The following NDRG1 variants were observed in gnomAD, a reference collection of about 807,000 sequenced individuals.
NDRG1 encodes the protein N-myc downstream regulated 1.
Under a neutral mutation model 56.9 loss-of-function variants are expected in NDRG1, and 32 were observed. That is an observed-to-expected ratio of 0.56 (90% CI 0.42 to 0.76). NDRG1 has a LOEUF of 0.76. Ranked by LOEUF, NDRG1 falls within the 30% of genes least tolerant of loss-of-function variation. The pLI is 0.00. For missense variants in NDRG1, 507 were observed against 545.7 expected, an observed-to-expected ratio of 0.93 and a Z score of 0.71; for synonymous variants, 211 against 204.1, an observed-to-expected ratio of 1.03 and a Z score of -0.29.
intron 3 of NDRG1, among the ~76,000 whole-genome samples, chr8:133,274,736 C>A (rs1857367599): frequency 6.6e-6 from 1 of 152,174 alleles, no homozygotes; most frequent in Non-Finnish European, 1.5e-5. Context: ...TCCATAAGGG[C>A]TTGATCAGCC....
chr8:133,292,658 C>T (rs1858493316), intron 1 of NDRG1, among the ~76,000 whole-genome samples: 1 of 152,196 alleles, frequency 6.6e-6, no homozygotes, highest in South Asian at 2.1e-4. Context: ...AAGAGGGTTA[C>T]TTGGAATCTT....
Position 133,239,035 on chromosome 8 carries a change from C to T in NDRG1, c.1028G>A (p.Arg343His), listed in dbSNP as rs144714216. ...SVTSLDGTRS[R>H]SHTSEGTRSR... ...TCGGGTGCCCTCGCTGGTGTGGGAG[C>T]GGCTGCGGGTGCCATCCAGAGAAGT... The change falls in exon 16 of 16, where the codon CGC (arginine) becomes CAC (histidine). Residue 343 changes from arginine to histidine, a missense_variant. Physicochemically the swap from Arg to His is conservative, Grantham distance 29. Coordinates refer to ENST00000323851, the MANE Select transcript of NDRG1 (RefSeq NM_006096.4). The T allele has an allele frequency of 2.8e-5, 45 of 1,596,904 alleles. No homozygotes were observed. The highest frequency in any genetic ancestry group is 3.4e-5 in the Non-Finnish European group (40 of 1,173,284).
rs781671025 is a variant in NDRG1, at chr8:133,262,307, G to GT, written c.206-141dup. 42 of 1,116,638 alleles carry GT rather than the reference G, an allele frequency of 3.8e-5. No individual in the cohort carries two copies. In the South Asian group the frequency reaches 5.5e-4, roughly 15 times the overall value. The allele number at this position is 1,116,638 out of a possible 1,614,324, so 69.2% of individuals were successfully genotyped here. A position where few individuals can be genotyped will look rare whatever the true frequency, so the allele number is the denominator to read the frequency against. ...AACTTAGAAGAACACAGATGTTGGC[G>GT]TTTTTTGTTTTTTGGTTTTGTCCCC... On this transcript the variant is annotated intron_variant, in intron 4 of 15. Coordinates refer to ENST00000323851, the MANE Select transcript of NDRG1 (RefSeq NM_006096.4).
At chr8:133,291,423 T>C (rs1858423351) in intron 1 of NDRG1, among the ~76,000 whole-genome samples, 1 of 152,196 alleles carries the variant, frequency 6.6e-6, no homozygotes, top group Admixed American at 6.5e-5. Flanking sequence ...CAATCCTTTG[T>C]CATTTCTTTG....
At chr8:133,265,996 G>A (rs1235244326) in intron 3 of NDRG1, among the ~76,000 whole-genome samples, 1 of 152,274 alleles carries the variant, frequency 6.6e-6, no homozygotes, top group Non-Finnish European at 1.5e-5. Context: ...GGCAGTTGGG[G>A]AGCAGGAGGC....
chr8:133,254,458 C>G, intron 9 of NDRG1, 81 bp downstream of exon 9: 5 of 1,481,488 alleles, frequency 3.4e-6, no homozygotes, highest in Non-Finnish European at 4.7e-6. Context: ...TTCTCTCCAC[C>G]CCCACATGGG....
At chr8:133,271,746 C>G (rs897251027) in intron 3 of NDRG1, among the ~76,000 whole-genome samples, 2 of 132,772 alleles carry the variant, frequency 1.5e-5, no homozygotes, top group African/African-American at 5.7e-5. Context: ...CACTACTACA[C>G]TCCAGCATGG....
At position 133,238,882 on chromosome 8, in the gene NDRG1, CAGG is replaced by C. The variant is rs745669327; in HGVS notation, c.1178_1180del (p.Ser393del). ...GGCGGCAGCTGGGCAGGCCGCCTAGCAGGAGACCTCCATGGACTTGGGCCCGGC... is the reference window on the plus strand; with the variant it reads ...GGCGGCAGCTGGGCAGGCCGCCTAGCAGACCTCCATGGACTTGGGCCCGGC... On this transcript the variant is annotated inframe_deletion, in exon 16 of 16. Transcript: ENST00000323851. The C allele has an allele frequency of 6.4e-6, 10 of 1,553,958 alleles. No homozygotes were observed. Among genetic ancestry groups the C allele is most frequent in the Non-Finnish European group, 8.7e-6 (10 of 1,150,036 alleles).
At chr8:133,289,057 C>T (rs931029133) in intron 1 of NDRG1, among the ~76,000 whole-genome samples, 8 of 152,102 alleles carry the variant, frequency 5.3e-5, no homozygotes, top group Non-Finnish European at 1.0e-4. Flanking sequence ...CATAATTTAT[C>T]GAATCTCTTT....
chr8:133,279,972 G>GGCCA (rs1324383227), intron 3 of NDRG1, among the ~76,000 whole-genome samples: 1 of 152,126 alleles, frequency 6.6e-6, no homozygotes, highest in Non-Finnish European at 1.5e-5. Context: ...CCACCGTTCT[G>GGCCA]GCCAGCTCTT....
At chr8:133,264,706 G>A (rs1041861519) in intron 3 of NDRG1, 54 bp from the exon 4 acceptor site, 34 of 1,476,354 alleles carry the variant, frequency 2.3e-5, no homozygotes, top group South Asian at 1.8e-4. Flanking sequence ...TGGCATCCGC[G>A]TGGCTGAAGA....
chr8:133,258,335 T>C, intron 7 of NDRG1, 31 bp downstream of exon 7: 1 of 1,596,194 alleles, frequency 6.3e-7, no homozygotes, highest in Non-Finnish European at 8.6e-7. Flanking sequence ...TTATTTAAAA[T>C]GCGATTTTCA....
chr8:133,245,644 A>C (rs1855631569), intron 13 of NDRG1, among the ~76,000 whole-genome samples: 2 of 152,116 alleles, frequency 1.3e-5, no homozygotes, highest in Non-Finnish European at 2.9e-5. Context: ...GCACCTTCAG[A>C]GGGAGCACGG....
At position 133,239,019 on chromosome 8, in the gene NDRG1, C is replaced by T; in HGVS notation, c.1044G>A (p.Glu348=). ...DGTRSRSHTS[E]GTRSRSHTSE... ...TGGTGTGGGAGCGGCTTCGGGTGCC[C>T]TCGCTGGTGTGGGAGCGGCTGCGGG... The change falls in exon 16 of 16, where the codon GAG becomes GAA. Residue 348 remains glutamate (E), a synonymous_variant. Transcript: ENST00000323851. The T allele has an allele frequency of 6.3e-7, 1 of 1,598,308 alleles. No individual in the cohort carries two copies. The highest frequency in any genetic ancestry group is 8.5e-7 in the Non-Finnish European group (1 of 1,174,028).
Position 133,255,697 on chromosome 8 carries a change from G to C in NDRG1, c.537+1080C>G, listed in dbSNP as rs371207946. The C allele has an allele frequency of 1.5e-4, 41 of 276,586 alleles. 1 individual carries two copies. Among genetic ancestry groups the C allele is most frequent in the East Asian group, 1.3e-3 (13 of 10,130 alleles). 17.1% of individuals were successfully genotyped at this position (276,586 alleles called of 1,614,324 possible). ...TTCAAAGAACAAATGCAAAATCACA[G>C]TGGCTGGTACAGGGCAGGGGATGGG... On this transcript the variant is annotated intron_variant, in intron 8 of 15. Transcript: ENST00000323851.
intron 5 of NDRG1, among the ~76,000 whole-genome samples, chr8:133,261,018 C>T (rs183932137): frequency 6.6e-6 from 1 of 152,318 alleles, no homozygotes; most frequent in Non-Finnish European, 1.5e-5. Flanking sequence ...AGTGCAAATA[C>T]TCTCAACTAA....
intron 3 of NDRG1, among the ~76,000 whole-genome samples, chr8:133,271,728 C>T (rs1038414018): frequency 2.2e-4 from 30 of 136,590 alleles, no homozygotes; most frequent in Non-Finnish European, 3.8e-4. Flanking sequence ...TGCAGTGAGC[C>T]GAGATCACAC....
chr8:133,247,919 C>G lies in NDRG1; in HGVS notation c.763G>C (p.Ala255Pro). The change falls in exon 12 of 16, where the codon GCT becomes CCT. Residue 255 changes from alanine to proline, a missense_variant. Ala to Pro is a conservative substitution (Grantham distance 27). Transcript: ENST00000323851. Reference protein sequence around the residue: ...GTHTVTLQCPALLVVGDSSPA... With the variant: ...GTHTVTLQCPPLLVVGDSSPA... The stretch of plus-strand genomic sequence containing the variant: ...GAGCTGTCCCCAACCACCAACAGAG[C>G]AGGGCACCTGGGGTCAGGGATAGAG... The G allele has an allele frequency of 6.2e-7, 1 of 1,614,096 alleles. No individual in the cohort carries two copies. The highest frequency in any genetic ancestry group is 8.5e-7 in the Non-Finnish European group (1 of 1,180,000).
chr8:133,276,381 T>C lies in NDRG1; in HGVS notation c.99+3851A>G, dbSNP rs1341532656. On this transcript the variant is annotated intron_variant, in intron 3 of 15. Transcript: ENST00000323851. ...CTATGCTTTCTAGGTTTCTCAGAAT[T>C]GGTAACCAAGATTTTAAAATCCAAA... Among the ~76,000 whole-genome samples, 4 of 152,224 alleles carry C rather than the reference T, an allele frequency of 2.6e-5. No individual in the cohort carries two copies. In the East Asian group the frequency reaches 7.7e-4, roughly 29 times the overall value.
Sources: gnomAD v4.1 joint callset for allele counts (sites outside exome capture counted in the v4.1 genomes callset) on GRCh38, gnomAD v4.1.1 for gene constraint, MANE v1.5 for transcripts, NCBI Gene and HGNC (gene_info 2026-07-23, HGNC 2026-07-21) for gene names.